Variants in ZNF469 observed in about 807,000 individuals in gnomAD.
The protein encoded by ZNF469 is zinc finger protein 469.
A neutral mutation model predicts 1.0 loss-of-function variants in ZNF469; 1 was observed. That is an observed-to-expected ratio of 1.00 (90% CI 0.35 to 4.73). ZNF469 has a LOEUF of 4.73. Among genes scored for constraint, ZNF469 ranks in the 30% most tolerant of loss-of-function variants. ZNF469 has a pLI of 0.16. For synonymous variants in ZNF469, 2,703 were observed against 2,363.4 expected, an observed-to-expected ratio of 1.14 and a Z score of -4.17; for missense variants, 6,100 against 5,356.3, an observed-to-expected ratio of 1.14 and a Z score of -4.33.
At chr16:88,307,510 TTGTC>T in the ZNF469 span, among the ~76,000 whole-genome samples, 1 of 152,242 alleles carries the variant, frequency 6.6e-6, no homozygotes, top group Non-Finnish European at 1.5e-5. Flanking sequence ...ACACCTGTTA[TTGTC>T]TGTCTTTTTG....
At chr16:88,157,316 G>A in the ZNF469 span, among the ~76,000 whole-genome samples, 2 of 152,220 alleles carry the variant, frequency 1.3e-5, no homozygotes, top group Non-Finnish European at 2.9e-5. Flanking sequence ...CCTCAGGCGT[G>A]GGGCCCACTT....
At chr16:88,153,770 C>T in the ZNF469 span, among the ~76,000 whole-genome samples, 3 of 152,194 alleles carry the variant, frequency 2.0e-5, no homozygotes, top group African/African-American at 7.2e-5. Flanking sequence ...CCATGGCCTG[C>T]GGATGGCGTC....
chr16:88,244,684 G>A, the ZNF469 span, among the ~76,000 whole-genome samples: 1 of 131,608 alleles, frequency 7.6e-6, no homozygotes, highest in African/African-American at 3.3e-5. Flanking sequence ...TGGGTAAATG[G>A]GTTTATGGAT....
the ZNF469 span, among the ~76,000 whole-genome samples, chr16:88,132,727 G>C: frequency 6.6e-6 from 1 of 152,216 alleles, no homozygotes; most frequent in East Asian, 1.9e-4. Flanking sequence ...TCCTGGGCTT[G>C]GTGGCTGTGC....
Position 88,438,812 on chromosome 16 carries a change from C to G in ZNF469, c.11342C>G (p.Pro3781Arg). 1 of 1,550,270 alleles carries G rather than the reference C, an allele frequency of 6.5e-7. No individual in the cohort carries two copies. Among genetic ancestry groups the G allele is most frequent in the Non-Finnish European group, 8.7e-7 (1 of 1,146,946 alleles). ...PSRSPAPERL[P>R]ARAQAKSCTK... ...CGGAGCCCTGCACCAGAGAGGCTCC[C>G]CGCTCGAGCCCAAGCCAAGAGCTGC... The change falls in exon 3 of 3, where the codon CCC (proline) becomes CGC (arginine). Residue 3781 changes from proline (P) to arginine (R), a missense_variant. Physicochemically the swap from Pro to Arg is moderately radical, Grantham distance 103. Transcript: ENST00000565624.
the ZNF469 span, among the ~76,000 whole-genome samples, chr16:88,201,365 G>A: frequency 6.6e-6 from 1 of 152,136 alleles, no homozygotes; most frequent in Non-Finnish European, 1.5e-5. The surrounding 1 kb of genome is among the most constrained non-coding windows in gnomAD (Gnocchi z 5.0). Context: ...GACCAGCCTG[G>A]CCAACATGGT....
At chr16:88,214,868 G>A in the ZNF469 span, among the ~76,000 whole-genome samples, 1 of 152,168 alleles carries the variant, frequency 6.6e-6, no homozygotes, top group African/African-American at 2.4e-5. Flanking sequence ...ATTGCATGGT[G>A]TGTATGTGCC....
At chr16:88,256,894 C>CTTT in the ZNF469 span, among the ~76,000 whole-genome samples, 2,555 of 51,460 alleles carry the variant, frequency 0.05, 397 homozygotes, top group African/African-American at 0.13. Flanking sequence ...TCTTTTCTTT[C>CTTT]CTTCTTTCTT....
the ZNF469 span, among the ~76,000 whole-genome samples, chr16:88,342,414 G>A: frequency 2.6e-5 from 4 of 152,164 alleles, no homozygotes; most frequent in Non-Finnish European, 5.9e-5. Flanking sequence ...GGCCGAACCT[G>A]GATGGAGCCT....
chr16:88,298,138 C>T, the ZNF469 span, among the ~76,000 whole-genome samples: 11 of 152,328 alleles, frequency 7.2e-5, no homozygotes, highest in South Asian at 4.1e-4. Context: ...CAGTCCCCCA[C>T]CCCCTGCCAC....
chr16:88,282,369 G>T, the ZNF469 span, among the ~76,000 whole-genome samples: 3 of 152,202 alleles, frequency 2.0e-5, no homozygotes, highest in African/African-American at 7.2e-5. Flanking sequence ...CAGCCGCCTG[G>T]TGCTGTGTTG....
chr16:88,436,953 GCAC>G lies in ZNF469; in HGVS notation c.9485_9487del (p.His3162del). The G allele has an allele frequency of 6.7e-7, 1 of 1,495,286 alleles. No individual in the cohort carries two copies. Among genetic ancestry groups the G allele is most frequent in the Non-Finnish European group, 8.9e-7 (1 of 1,123,908 alleles). 92.6% of individuals were successfully genotyped at this position (1,495,286 alleles called of 1,614,324 possible). ...TTGGCTCGCGGGAGCTGCTGCGGGG[GCAC>G]CTGCAGGAGAGGCACGCGCAGAGCA... On this transcript the variant is annotated inframe_deletion, in exon 3 of 3. Coordinates refer to ENST00000565624, the MANE Select transcript of ZNF469 (RefSeq NM_001367624.2).
the ZNF469 span, among the ~76,000 whole-genome samples, chr16:88,241,016 G>T: frequency 6.6e-6 from 1 of 152,250 alleles, no homozygotes; most frequent in Non-Finnish European, 1.5e-5. This position sits in a 1 kb window ranked among gnomAD's most constrained non-coding sequence, Gnocchi z 4.8. Context: ...CATGTCAGAC[G>T]CTGCCTGGCA....
At chr16:88,242,725 C>T in the ZNF469 span, among the ~76,000 whole-genome samples, 3 of 152,254 alleles carry the variant, frequency 2.0e-5, no homozygotes, top group Non-Finnish European at 4.4e-5. Context: ...GTTCCCACAG[C>T]GAGGATGCTA....
At chr16:88,224,293 C>T in the ZNF469 span, among the ~76,000 whole-genome samples, 3 of 152,196 alleles carry the variant, frequency 2.0e-5, no homozygotes, top group Non-Finnish European at 4.4e-5. Flanking sequence ...ATTATAGTGG[C>T]GAGGCAGGGT....
At chr16:88,219,567 T>C in the ZNF469 span, among the ~76,000 whole-genome samples, 5 of 148,270 alleles carry the variant, frequency 3.4e-5, no homozygotes, top group African/African-American at 1.3e-4. Context: ...GCTAGCCATA[T>C]GTAGAAAGCT....
chr16:88,406,649 C>T (rs545138120), intron 1 of ZNF469, among the ~76,000 whole-genome samples: 226 of 152,324 alleles, frequency 1.5e-3, no homozygotes, highest in African/African-American at 4.6e-3. Flanking sequence ...GCCTGCAGCC[C>T]CTGCCTCCGA....
the ZNF469 span, among the ~76,000 whole-genome samples, chr16:88,107,563 T>A: frequency 1.3e-5 from 2 of 152,212 alleles, no homozygotes; most frequent in African/African-American, 4.8e-5. Flanking sequence ...ACACAGAAAC[T>A]GACCATGCCA....
the ZNF469 span, among the ~76,000 whole-genome samples, chr16:88,141,484 A>G: frequency 1.6e-5 from 2 of 127,482 alleles, no homozygotes; most frequent in African/African-American, 2.9e-5. Context: ...TCAGCCTGGG[A>G]AAGAGGTCCT....
Sources: allele counts gnomAD v4.1 joint callset (sites outside exome capture counted in the v4.1 genomes callset), GRCh38; gene constraint gnomAD v4.1.1; non-coding constraint Gnocchi (gnomAD v3.1); transcripts MANE v1.5; gene names NCBI Gene and HGNC (gene_info 2026-07-23, HGNC 2026-07-21).